The following ABCB4 variants were observed in gnomAD, a reference collection of about 807,000 sequenced individuals.
ABCB4 encodes the protein ATP binding cassette subfamily B member 4, also known as phosphatidylcholine translocator ABCB4.
A neutral mutation model predicts 145.7 loss-of-function variants in ABCB4; 76 were observed. The ratio of observed to expected loss-of-function variants is 0.52; its 90% confidence interval spans 0.43 to 0.63. ABCB4 has a LOEUF of 0.63. Ranked by LOEUF, ABCB4 falls within the 30% of genes least tolerant of loss-of-function variation. The pLI is 0.00. For missense variants in ABCB4, 1,234 were observed against 1,553.1 expected (o/e 0.79, Z 3.45); for synonymous variants, 517 against 566.8 (o/e 0.91, Z 1.25).
chr7:87,393,109 G>C, the ABCB4 span: 2 of 1,588,076 alleles, frequency 1.3e-6, no homozygotes, highest in South Asian at 2.3e-5. Flanking sequence ...TATAGAGTAG[G>C]AAAGGTATTA....
intron 3 of ABCB4, 54 bp downstream of exon 3, chr7:87,472,567 C>A: frequency 7.0e-7 from 1 of 1,436,670 alleles, no homozygotes; most frequent in Admixed American, 1.7e-5. Context: ...TGATTCAATA[C>A]CTCAAATTTG....
intron 4 of ABCB4, among the ~76,000 whole-genome samples, chr7:87,454,923 G>T (rs542882214): frequency 1.3e-4 from 20 of 152,048 alleles, no homozygotes; most frequent in African/African-American, 4.3e-4. Flanking sequence ...AGACAAGGAA[G>T]CCACAAAACA....
intron 18 of ABCB4, among the ~76,000 whole-genome samples, chr7:87,420,576 G>A (rs1258698309): frequency 6.6e-6 from 1 of 152,172 alleles, no homozygotes; most frequent in African/African-American, 2.4e-5. Context: ...CCCACCAAGT[G>A]ACCAAACCTG....
the ABCB4 span, among the ~76,000 whole-genome samples, chr7:87,374,306 C>T: frequency 6.6e-6 from 1 of 152,060 alleles, no homozygotes; most frequent in Non-Finnish European, 1.5e-5. Flanking sequence ...TATTATCAAA[C>T]TTAAAATGTC....
chr7:87,443,585 A>G, intron 11 of ABCB4, 78 bp downstream of exon 11: 2 of 1,530,432 alleles, frequency 1.3e-6, no homozygotes, highest in South Asian at 1.1e-5. Context: ...AAGTATCAAA[A>G]TAATAGAGAC....
In ABCB4 at chr7:87,426,796, T is replaced by A; in HGVS notation, c.2018A>T (p.Asn673Ile). The A allele has an allele frequency of 6.2e-7, 1 of 1,614,032 alleles. No individual in the cohort carries two copies. ...FRHSTQKNLK[N>I]SQMCQKSLDV... ...AAGGCTCTTCTGACACATTTGTGAA[T>A]TTTTAAGGTTTTTCTGAGTAGAATG... Residue 673 changes from asparagine (N) to isoleucine (I), a missense_variant, in exon 16 of 28, where the codon AAT becomes ATT. Transcript: ENST00000649586.
At chr7:87,444,555 C>T (rs1811213403) in intron 10 of ABCB4, among the ~76,000 whole-genome samples, 1 of 152,028 alleles carries the variant, frequency 6.6e-6, no homozygotes, top group African/African-American at 2.4e-5. Context: ...CTCAGTCTGG[C>T]TACAACATGA....
intron 6 of ABCB4, 125 bp from the exon 7 acceptor site, chr7:87,451,919 T>C (rs998904292): frequency 1.8e-5 from 16 of 871,366 alleles, no homozygotes; most frequent in Non-Finnish European, 2.9e-5. Flanking sequence ...TTCAGAGTCT[T>C]AGCCTCTTGA....
At chr7:87,459,768 G>A (rs1034682857) in intron 4 of ABCB4, among the ~76,000 whole-genome samples, 2 of 152,060 alleles carry the variant, frequency 1.3e-5, no homozygotes, top group East Asian at 1.9e-4. Flanking sequence ...TAAGTGCTTC[G>A]CTGGAAGGCT....
At chr7:87,454,437 G>T in intron 5 of ABCB4, 98 bp downstream of exon 5, 2 of 977,110 alleles carry the variant, frequency 2.0e-6, no homozygotes, top group South Asian at 1.5e-5. Context: ...GGTGAATCTG[G>T]GTAAAGAGTA....
chr7:87,392,161 C>A, the ABCB4 span, among the ~76,000 whole-genome samples: 3 of 152,110 alleles, frequency 2.0e-5, no homozygotes, highest in African/African-American at 4.8e-5. Context: ...AAATTTCCTT[C>A]TCACTGTTAT....
the ABCB4 span, among the ~76,000 whole-genome samples, chr7:87,390,088 G>A: frequency 6.6e-6 from 1 of 152,108 alleles, no homozygotes; most frequent in Non-Finnish European, 1.5e-5. Flanking sequence ...TTTCCTGATT[G>A]TATTCCCATG....
intron 14 of ABCB4, among the ~76,000 whole-genome samples, chr7:87,437,344 G>A (rs1300158307): frequency 1.9e-4 from 29 of 152,150 alleles, no homozygotes; most frequent in Non-Finnish European, 1.2e-4. Flanking sequence ...AACAGCCAGC[G>A]TGTGAGTGAG....
At chr7:87,408,325 T>G (rs1374956971) in intron 24 of ABCB4, 91 bp from the exon 25 acceptor site, 3 of 1,266,004 alleles carry the variant, frequency 2.4e-6, no homozygotes, top group Non-Finnish European at 3.4e-6. Context: ...CCAAAGACTG[T>G]AGTAGAGAAA....
intron 12 of ABCB4, among the ~76,000 whole-genome samples, chr7:87,441,144 T>C (rs1479710258): frequency 6.6e-6 from 1 of 152,228 alleles, no homozygotes; most frequent in Non-Finnish European, 1.5e-5. Context: ...AATTACTAAG[T>C]TGAAGATTAT....
intron 8 of ABCB4, chr7:87,448,838 GT>G (rs1274955094): frequency 6.6e-6 from 1 of 152,148 alleles, no homozygotes; most frequent in Non-Finnish European, 1.5e-5. Context: ...GGGAAACTTT[GT>G]TTTTAATGCT....
the ABCB4 span, chr7:87,381,941 A>T: frequency 6.2e-7 from 1 of 1,610,950 alleles, no homozygotes; most frequent in Non-Finnish European, 8.5e-7. Flanking sequence ...ATTATGGTGA[A>T]CATCAGTTAT....
At position 87,417,377 on chromosome 7, in the gene ABCB4, CA is replaced by C; in HGVS notation, c.2616del (p.Ile872MetfsTer4). 1 of 1,614,116 alleles carries C rather than the reference CA, an allele frequency of 6.2e-7. No individual in the cohort carries two copies. The highest frequency in any genetic ancestry group is 8.5e-7 in the Non-Finnish European group (1 of 1,180,002). On this transcript the variant is annotated frameshift_variant, in exon 21 of 28. Transcript: ENST00000649586. LOFTEE classifies it high-confidence loss of function. The stretch of plus-strand genomic sequence containing the variant: ...TTTCCAGCCAACAATTTCATTTCAA[CA>C]ATTCCTGACACAGCAATAATTGGAA... ...AVVPIIAVSG[I>X]VEMKLLAGNA...
the ABCB4 span, among the ~76,000 whole-genome samples, chr7:87,394,652 AAAT>A: frequency 5.3e-3 from 814 of 152,210 alleles, 2 homozygotes; most frequent in Non-Finnish European, 9.5e-3. Flanking sequence ...CTCCAATTAA[AAAT>A]GCAGCTTTTT....
Sources: allele counts gnomAD v4.1 joint callset (sites outside exome capture counted in the v4.1 genomes callset), GRCh38; gene constraint gnomAD v4.1.1; transcripts MANE v1.5; gene names NCBI Gene and HGNC (gene_info 2026-07-23, HGNC 2026-07-21).